The following BAZ1B variants were observed in gnomAD, a reference collection of about 807,000 sequenced individuals.
BAZ1B encodes the protein tyrosine-protein kinase BAZ1B.
BAZ1B carries 22 observed loss-of-function variants against 153.8 expected under a neutral mutation model. That is an observed-to-expected ratio of 0.14 (90% CI 0.10 to 0.20). The LOEUF is 0.20. Among genes scored for constraint, BAZ1B ranks in the 10% least tolerant of loss-of-function variants. The probability of loss-of-function intolerance (pLI) is 1.00; values close to 1 mark genes in which losing one functional copy is unlikely to be tolerated. For synonymous variants in BAZ1B, 676 were observed against 633.4 expected (o/e 1.07, Z -1.01); for missense variants, 1,325 against 1,799.3 (o/e 0.74, Z 4.77).
intron 5 of BAZ1B, among the ~76,000 whole-genome samples, chr7:73,490,174 ACT>A (rs1299836806): frequency 2.0e-5 from 3 of 151,918 alleles, no homozygotes; most frequent in Non-Finnish European, 2.9e-5. Flanking sequence ...GAATCTTATG[ACT>A]CTCTGGCAGT....
Position 73,477,283 on chromosome 7 carries a change from A to G in BAZ1B, c.2178T>C (p.Asp726=), listed in dbSNP as rs186732366. The change falls in exon 7 of 20, where the codon GAT becomes GAC. Residue 726 remains aspartate (D), a synonymous_variant. Transcript: ENST00000339594. This position sits in a 1 kb window ranked among gnomAD's most constrained non-coding sequence, Gnocchi z 5.6. ...SAAFEDNEVQ[D]EFLEKLETSE... is the part of the protein sequence containing the mutation. ...AGGTCTCCAGCTTTTCTAGGAACTC[A>G]TCTTGTACCTCATTATCCTCAAATG... is the stretch of plus-strand genomic sequence containing the variant. The G allele has an allele frequency of 3.1e-6, 5 of 1,614,098 alleles. No individual in the cohort carries two copies. In the East Asian group the frequency reaches 1.1e-4, roughly 36 times the overall value.
At chr7:73,481,892 A>AG (rs1789216542) in intron 6 of BAZ1B, among the ~76,000 whole-genome samples, 1 of 152,052 alleles carries the variant, frequency 6.6e-6, no homozygotes, top group African/African-American at 2.4e-5. Context: ...AAAAAAAATT[A>AG]GCCTGGCGCG....
At chr7:73,510,903 C>T in intron 1 of BAZ1B, 51 bp from the exon 2 acceptor site, 1 of 1,432,912 alleles carries the variant, frequency 7.0e-7, no homozygotes, top group South Asian at 1.2e-5. Flanking sequence ...AGACGACAAA[C>T]CCATACCCAT....
intron 2 of BAZ1B, among the ~76,000 whole-genome samples, chr7:73,509,150 T>C (rs782311368): frequency 5.9e-5 from 9 of 151,322 alleles, no homozygotes; most frequent in African/African-American, 1.5e-4. Context: ...GGCGAAACCC[T>C]GTCTCTACTC....
chr7:73,456,379 C>T (rs1253341420), intron 13 of BAZ1B, among the ~76,000 whole-genome samples: 1 of 152,084 alleles, frequency 6.6e-6, no homozygotes, highest in African/African-American at 2.4e-5. Flanking sequence ...ACCCATGGAA[C>T]TGGAGAATAT....
At chr7:73,496,195 A>G (rs939132434) in intron 4 of BAZ1B, among the ~76,000 whole-genome samples, 8 of 152,108 alleles carry the variant, frequency 5.3e-5, no homozygotes, top group Non-Finnish European at 1.0e-4. Context: ...TAACCAAAAC[A>G]CTTCTCAACC....
Position 73,450,028 on chromosome 7 carries a change from GC to G in BAZ1B, c.3581-340del, listed in dbSNP as rs1787978670. ...CCTCCCCAAACGTTTCTCAACTTAT[GC>G]CTGATGAGTGTTCTCTCTCTCTCTT... On this transcript the variant is annotated intron_variant, in intron 14 of 19. Coordinates refer to ENST00000339594, the MANE Select transcript of BAZ1B (RefSeq NM_032408.4). The surrounding 1 kb of genome is among the most constrained non-coding windows in gnomAD (Gnocchi z 4.1). Among the ~76,000 whole-genome samples, 1 of 151,794 alleles carries G rather than the reference GC, an allele frequency of 6.6e-6. No individual in the cohort carries two copies. The highest frequency in any genetic ancestry group is 6.6e-5 in the Admixed American group (1 of 15,228).
At chr7:73,506,224 C>A (rs782783127) in intron 3 of BAZ1B, among the ~76,000 whole-genome samples, 1 of 152,244 alleles carries the variant, frequency 6.6e-6, no homozygotes, top group Non-Finnish European at 1.5e-5. Context: ...TAAGGCCGGG[C>A]GCACTGGCTC....
Position 73,442,505 on chromosome 7 carries a change from C to A in BAZ1B, c.4143G>T (p.Thr1381=), listed in dbSNP as rs782078494. 6.2e-7 allele frequency: 1 copy of A among 1,614,074 alleles called. No homozygotes were observed. Among genetic ancestry groups the A allele is most frequent in the South Asian group, 1.1e-5 (1 of 91,056 alleles). The part of the protein sequence containing the change: ...DEAEDYYDVI[T]HPMDFQTVQN... ...GCACTGTCTGAAAGTCCATGGGGTG[C>A]GTGATCACATCATAGTAGTCCTCGG... is the stretch of plus-strand genomic sequence containing the variant. Residue 1381 remains threonine (T), a synonymous_variant, in exon 19 of 20, where the codon ACG becomes ACT. Coordinates refer to ENST00000339594, the MANE Select transcript of BAZ1B (RefSeq NM_032408.4).
Position 73,449,634 on chromosome 7 carries a change from A to G in BAZ1B, c.3636T>C (p.Phe1212=). Residue 1212 remains phenylalanine (F), a synonymous_variant, in exon 15 of 20, where the codon TTT becomes TTC. Transcript: ENST00000339594. ...CDECNKAFHL[F]CLRPALYEVP... Reference sequence around the variant, plus strand: ...CTTCATAGAGGGCCGGCCTCAGACAAAACAGGTGGAAGGCTTTATTACACT... The same window carrying G: ...CTTCATAGAGGGCCGGCCTCAGACAGAACAGGTGGAAGGCTTTATTACACT... 1.2e-6 allele frequency: 2 copies of G among 1,614,176 alleles called. No homozygotes were observed. Among genetic ancestry groups the G allele is most frequent in the Non-Finnish European group, 1.7e-6 (2 of 1,180,020 alleles).
At chr7:73,444,971 G>A (rs1023704528) in intron 16 of BAZ1B, among the ~76,000 whole-genome samples, 2 of 151,988 alleles carry the variant, frequency 1.3e-5, no homozygotes, top group Admixed American at 1.3e-4. Flanking sequence ...CCGAGATCAC[G>A]CCACTGCACT....
intron 16 of BAZ1B, among the ~76,000 whole-genome samples, chr7:73,445,028 AACACACAC>A (rs10557903): frequency 2.0e-5 from 3 of 148,490 alleles, no homozygotes; most frequent in South Asian, 2.1e-4. Context: ...AAAGAAAAAA[AACACACAC>A]ACACACACAC....
chr7:73,480,157 C>CA (rs112891160), intron 6 of BAZ1B, among the ~76,000 whole-genome samples: 4,797 of 93,168 alleles, frequency 0.051, 233 homozygotes, highest in African/African-American at 0.16. Flanking sequence ...GACTCTGCCT[C>CA]AAAAAAAAAA....
chr7:73,464,978 G>A (rs1788526704), intron 11 of BAZ1B, among the ~76,000 whole-genome samples: 1 of 151,962 alleles, frequency 6.6e-6, no homozygotes, highest in African/African-American at 2.4e-5. Context: ...CAAGACACTG[G>A]CCTGCCTTTA....
intron 1 of BAZ1B, among the ~76,000 whole-genome samples, chr7:73,520,290 T>C (rs1431638583): frequency 6.6e-6 from 1 of 151,584 alleles, no homozygotes; most frequent in Non-Finnish European, 1.5e-5. Flanking sequence ...TCCAGAACAT[T>C]CCAAGTCTTC....
At position 73,449,811 on chromosome 7, in the gene BAZ1B, C is replaced by T. The variant is rs532955853; in HGVS notation, c.3581-122G>A. On this transcript the variant is annotated intron_variant, in intron 14 of 19. Transcript: ENST00000339594. ...AGGAGACATGTTCCATAGAATGCTA[C>T]CCAGTTGTTGCTTTGTAAATGCAGG... 7.2e-5 allele frequency: 77 copies of T among 1,063,962 alleles called. No individual in the cohort carries two copies. The Middle Eastern group carries it at 1.4e-3, about 19-fold the overall frequency. 65.9% of individuals were successfully genotyped at this position (1,063,962 alleles called of 1,614,324 possible). A position where few individuals can be genotyped will look rare whatever the true frequency, so the allele number is the denominator to read the frequency against.
intron 13 of BAZ1B, among the ~76,000 whole-genome samples, chr7:73,451,332 T>C (rs1788021068): frequency 6.6e-6 from 1 of 152,204 alleles, no homozygotes; most frequent in African/African-American, 2.4e-5. Context: ...ATTTAAAAGA[T>C]AATCAATAAC....
chr7:73,516,785 A>C (rs1554579373), intron 1 of BAZ1B, among the ~76,000 whole-genome samples: 1 of 150,386 alleles, frequency 6.6e-6, no homozygotes, highest in Non-Finnish European at 1.5e-5. Context: ...AAAAAAAAAA[A>C]AAAAAAAAAA....
chr7:73,468,105 G>A (rs1391857536), intron 9 of BAZ1B, among the ~76,000 whole-genome samples: 2 of 152,082 alleles, frequency 1.3e-5, no homozygotes, highest in Admixed American at 6.6e-5. Flanking sequence ...AAGATTTATC[G>A]AAGAAGCACA....
Sources: gnomAD v4.1 joint callset for allele counts (sites outside exome capture counted in the v4.1 genomes callset) on GRCh38, gnomAD v4.1.1 for gene constraint, Gnocchi (gnomAD v3.1) non-coding constraint, MANE v1.5 for transcripts, NCBI Gene and HGNC (gene_info 2026-07-23, HGNC 2026-07-21) for gene names.